ZNF277: variants seen among roughly 807,000 people sequenced by gnomAD.
The protein encoded by ZNF277 is zinc finger protein 277.
Under a neutral mutation model 60.7 loss-of-function variants are expected in ZNF277, and 55 were observed. The observed-to-expected ratio is 0.91, with a 90% CI of 0.73 to 1.13. ZNF277 has a LOEUF of 1.13. Ranked by LOEUF, ZNF277 falls within the 50% of genes most tolerant of loss-of-function variation. ZNF277 has a pLI of 0.00. For synonymous variants in ZNF277, 178 were observed against 179.3 expected (o/e 0.99, Z 0.06); for missense variants, 510 against 523.0 (o/e 0.98, Z 0.24).
chr7:112,250,615 T>A (rs1255455519), intron 1 of ZNF277, among the ~76,000 whole-genome samples: 2 of 152,190 alleles, frequency 1.3e-5, no homozygotes, highest in Non-Finnish European at 2.9e-5. Context: ...TTTCTCAAGC[T>A]GGCCAACGCT....
At chr7:112,309,744 C>G (rs964194932) in intron 4 of ZNF277, among the ~76,000 whole-genome samples, 7 of 151,976 alleles carry the variant, frequency 4.6e-5, no homozygotes, top group African/African-American at 1.7e-4. Context: ...TTGGGGGTTC[C>G]TCAGGATACT....
chr7:112,294,448 T>C (rs926479700), intron 2 of ZNF277, among the ~76,000 whole-genome samples: 5 of 152,170 alleles, frequency 3.3e-5, no homozygotes, highest in Non-Finnish European at 7.3e-5. Context: ...ATTTATATAT[T>C]TGTGGTTTAA....
chr7:112,310,478 A>AGAGAGAGAGAGAGAGAGAGAGAGTGT lies in ZNF277; in HGVS notation c.466-7703_466-7702insAGAGAGAGAGAGAGAGAGAGAGTGTG, dbSNP rs762824873. ...TTGAGAGAGAGAGAGAGAGAGAGAGAGTGTGTGTGTGTGTATGTATTTTAT... is the reference window on the plus strand; with the variant it reads ...TTGAGAGAGAGAGAGAGAGAGAGAGAGAGAGAGAGAGAGAGAGAGAGAGTGTGTGTGTGTGTGTGTATGTATTTTAT... On this transcript the variant is annotated intron_variant, in intron 4 of 11. Coordinates refer to ENST00000361822, the MANE Select transcript of ZNF277 (RefSeq NM_021994.3). Among the ~76,000 whole-genome samples, 134 of 125,568 alleles carry AGAGAGAGAGAGAGAGAGAGAGAGTGT rather than the reference A, an allele frequency of 1.1e-3. 2 individuals are homozygous for AGAGAGAGAGAGAGAGAGAGAGAGTGT. Among genetic ancestry groups the AGAGAGAGAGAGAGAGAGAGAGAGTGT allele is most frequent in the African/African-American group, 4.7e-3 (120 of 25,798 alleles). The allele number at this position is 125,568 out of a possible 152,430, so 82.4% of individuals were successfully genotyped here. A position where few individuals can be genotyped will look rare whatever the true frequency, so the allele number is the denominator to read the frequency against.
At chr7:112,296,176 G>C (rs1033327662) in intron 3 of ZNF277, 53 bp from the exon 4 acceptor site, 4 of 1,267,476 alleles carry the variant, frequency 3.2e-6, no homozygotes, top group Middle Eastern at 3.8e-4. Flanking sequence ...GTCCTTCTGG[G>C]GAAAAAATGG....
intron 1 of ZNF277, among the ~76,000 whole-genome samples, chr7:112,261,777 C>T (rs753201756): frequency 2.0e-5 from 3 of 152,128 alleles, no homozygotes; most frequent in South Asian, 4.1e-4. Context: ...AGCCTCTAGT[C>T]AAAGCTCTTG....
At chr7:112,259,063 T>C (rs1791385853) in intron 1 of ZNF277, among the ~76,000 whole-genome samples, 1 of 152,164 alleles carries the variant, frequency 6.6e-6, no homozygotes, top group Non-Finnish European at 1.5e-5. Flanking sequence ...TTTTCTTCCC[T>C]TACTGATATT....
intron 1 of ZNF277, among the ~76,000 whole-genome samples, chr7:112,220,128 C>A (rs1821987100): frequency 6.6e-6 from 1 of 152,162 alleles, no homozygotes; most frequent in South Asian, 2.1e-4. Flanking sequence ...TGCATTGAAT[C>A]TGTAGATCAC....
In ZNF277 at chr7:112,343,364, C is replaced by T. The variant is rs747194676; in HGVS notation, c.*635C>T. ...AGCCAGTTAACTTCACTTTTCCCTG[C>T]AATTTGTATGTCACTAACATTTAAA... is the stretch of plus-strand genomic sequence containing the variant. On this transcript the variant is annotated 3_prime_UTR_variant, in exon 12 of 12. Transcript: ENST00000361822. 1.3e-5 allele frequency among the ~76,000 whole-genome samples: 2 copies of T among 152,032 alleles called. No individual in the cohort carries two copies. The highest frequency in any genetic ancestry group is 2.4e-5 in the African/African-American group (1 of 41,288).
intron 4 of ZNF277, 63 bp downstream of exon 4, chr7:112,296,374 A>T: frequency 1.2e-6 from 1 of 804,374 alleles, no homozygotes; most frequent in African/African-American, 1.9e-5. Flanking sequence ...ATATAAAATC[A>T]TATTGGTTTT....
intron 1 of ZNF277, among the ~76,000 whole-genome samples, chr7:112,224,229 C>T (rs1347340771): frequency 2.0e-5 from 3 of 152,214 alleles, no homozygotes; most frequent in Admixed American, 1.3e-4. Flanking sequence ...CCCTGGGCCA[C>T]ATTGGAAGAA....
At chr7:112,283,001 T>C (rs1468564841) in intron 1 of ZNF277, among the ~76,000 whole-genome samples, 1 of 152,202 alleles carries the variant, frequency 6.6e-6, no homozygotes, top group Non-Finnish European at 1.5e-5. Context: ...AATGATTATA[T>C]TAGTCATAGT....
rs374435965 is a variant in ZNF277, at chr7:112,297,594, T to G, written c.465+1283T>G. On this transcript the variant is annotated intron_variant, in intron 4 of 11. Coordinates refer to ENST00000361822, the MANE Select transcript of ZNF277 (RefSeq NM_021994.3). ...TGATACCATTGGATGTTGATTTATA[T>G]CTAAGAAAAGTTTTCCTGTACAACA... is the stretch of plus-strand genomic sequence containing the variant. Among the ~76,000 whole-genome samples, 58 of 152,330 alleles carry G rather than the reference T, an allele frequency of 3.8e-4. No homozygotes were observed. In the South Asian group the frequency reaches 7.0e-3, roughly 18 times the overall value.
intron 1 of ZNF277, among the ~76,000 whole-genome samples, chr7:112,241,249 A>G (rs1220138596): frequency 4.6e-5 from 7 of 152,192 alleles, no homozygotes; most frequent in Admixed American, 3.9e-4. Flanking sequence ...TGAACCAGGT[A>G]TATGAAAAGG....
At chr7:112,285,768 C>T (rs187433388) in intron 1 of ZNF277, among the ~76,000 whole-genome samples, 1 of 151,918 alleles carries the variant, frequency 6.6e-6, no homozygotes, top group Non-Finnish European at 1.5e-5. Context: ...GTACCAGTGA[C>T]TGATTCAATT....
intron 1 of ZNF277, among the ~76,000 whole-genome samples, chr7:112,266,886 G>C (rs1397374926): frequency 6.6e-6 from 1 of 152,076 alleles, no homozygotes; most frequent in African/African-American, 2.4e-5. Context: ...CATTCCTGAA[G>C]TTCATAAATA....
At chr7:112,273,021 G>A (rs1167358124) in intron 1 of ZNF277, among the ~76,000 whole-genome samples, 2 of 152,122 alleles carry the variant, frequency 1.3e-5, no homozygotes, top group Non-Finnish European at 2.9e-5. Context: ...CTTTTCATAT[G>A]CCTGTTTGCC....
At chr7:112,293,275 C>A (rs1328772370) in intron 2 of ZNF277, among the ~76,000 whole-genome samples, 1 of 151,894 alleles carries the variant, frequency 6.6e-6, no homozygotes, top group Non-Finnish European at 1.5e-5. Flanking sequence ...TATTGATTGT[C>A]CATTTAAAAA....
chr7:112,296,380 G>GTT (rs11295465), intron 4 of ZNF277, 69 bp downstream of exon 4: 675 of 545,238 alleles, frequency 1.2e-3, no homozygotes, highest in South Asian at 1.7e-3. Context: ...AATCATATTG[G>GTT]TTTTTTTTTT....
intron 1 of ZNF277, among the ~76,000 whole-genome samples, chr7:112,278,253 G>C (rs1042262065): frequency 3.3e-5 from 5 of 152,124 alleles, no homozygotes; most frequent in African/African-American, 9.7e-5. Flanking sequence ...GTAGATATTT[G>C]GGAAGTAGGC....
Sources: allele counts gnomAD v4.1 joint callset (sites outside exome capture counted in the v4.1 genomes callset), GRCh38; gene constraint gnomAD v4.1.1; transcripts MANE v1.5; gene names NCBI Gene and HGNC (gene_info 2026-07-23, HGNC 2026-07-21).